GLRX5: variants seen among roughly 807,000 people sequenced by gnomAD.
The protein encoded by GLRX5 is glutaredoxin 5, also known as glutaredoxin-related protein 5, mitochondrial.
In GLRX5, 10 loss-of-function variants were observed where a neutral mutation model predicts 13.8. The observed-to-expected ratio is 0.72, with a 90% CI of 0.45 to 1.23. The LOEUF is 1.23. Ranked by LOEUF, GLRX5 falls within the 50% of genes most tolerant of loss-of-function variation. The probability of loss-of-function intolerance (pLI) is 0.00; values close to 1 mark genes in which losing one functional copy is unlikely to be tolerated. For missense variants in GLRX5, 233 were observed against 215.2 expected, an observed-to-expected ratio of 1.08 and a Z score of -0.52; for synonymous variants, 98 against 101.1, an observed-to-expected ratio of 0.97 and a Z score of 0.18.
chr14:95,537,499 G>A (rs979551161), intron 1 of GLRX5, among the ~76,000 whole-genome samples: 6 of 152,232 alleles, frequency 3.9e-5, no homozygotes, highest in Admixed American at 3.3e-4. Flanking sequence ...GGACTGGGCA[G>A]GGTGGTAAAA....
chr14:95,536,788 G>T (rs944849547), intron 1 of GLRX5, among the ~76,000 whole-genome samples: 4 of 146,844 alleles, frequency 2.7e-5, no homozygotes, highest in African/African-American at 8.1e-5. Context: ...AAAGACTCTT[G>T]GGGATAACTG....
intron 1 of GLRX5, 89 bp from the exon 2 acceptor site, chr14:95,543,858 C>T (rs957541029): frequency 8.8e-7 from 1 of 1,140,494 alleles, no homozygotes; most frequent in South Asian, 1.2e-5. Context: ...AGTGGGTTGT[C>T]TGCTACTAGT....
At chr14:95,535,487 A>T in intron 1 of GLRX5, 103 bp downstream of exon 1, 1 of 1,147,778 alleles carries the variant, frequency 8.7e-7, no homozygotes, top group Non-Finnish European at 1.2e-6. Flanking sequence ...GCGGGGCTCC[A>T]TCCGCCGGGG....
At chr14:95,541,989 G>C (rs912398366) in intron 1 of GLRX5, among the ~76,000 whole-genome samples, 2 of 152,012 alleles carry the variant, frequency 1.3e-5, no homozygotes, top group Non-Finnish European at 2.9e-5. Flanking sequence ...TTGTATAAAA[G>C]GTATTTAAGA....
Position 95,544,176 on chromosome 14 carries a change from T to C in GLRX5, c.*51T>C. On this transcript the variant is annotated 3_prime_UTR_variant, in exon 2 of 2. Transcript: ENST00000331334. ...AGAGGGAGCCGTTCATGTCAGAGAC[T>C]CACTGCCAGAAAAGCCTTACCCATT... The C allele has an allele frequency of 6.6e-7, 1 of 1,517,818 alleles. No individual in the cohort carries two copies. The highest frequency in any genetic ancestry group is 2.3e-5 in the East Asian group (1 of 43,632). The allele number at this position is 1,517,818 out of a possible 1,614,324, so 94.0% of individuals were successfully genotyped here.
At chr14:95,535,491 G>A (rs918614343) in intron 1 of GLRX5, 107 bp downstream of exon 1, 1 of 1,110,222 alleles carries the variant, frequency 9.0e-7, no homozygotes, top group Non-Finnish European at 1.3e-6. Flanking sequence ...GGCTCCATCC[G>A]CCGGGGTCTG....
In GLRX5 at chr14:95,535,079, T is replaced by C; in HGVS notation, c.-11T>C. On this transcript the variant is annotated 5_prime_UTR_variant, in exon 1 of 2. Transcript: ENST00000331334. ...GCCCGGGCCGTCGTGGGCTCCGGCT[T>C]GCGTGCGGAGATGAGCGGGTCCCTC... 7.5e-7 allele frequency: 1 copy of C among 1,336,690 alleles called. No individual in the cohort carries two copies. Among genetic ancestry groups the C allele is most frequent in the Non-Finnish European group, 9.7e-7 (1 of 1,031,838 alleles). 82.8% of individuals were successfully genotyped at this position (1,336,690 alleles called of 1,614,324 possible).
At chr14:95,543,036 C>T (rs1891496752) in intron 1 of GLRX5, 1 of 456,044 alleles carries the variant, frequency 2.2e-6, no homozygotes, top group Non-Finnish European at 4.4e-6. Context: ...ACAGAGTGTC[C>T]CTCATCTCAT....
At chr14:95,536,597 T>A (rs1891385789) in intron 1 of GLRX5, among the ~76,000 whole-genome samples, 1 of 152,224 alleles carries the variant, frequency 6.6e-6, no homozygotes, top group Non-Finnish European at 1.5e-5. Flanking sequence ...CTTAAGTCAC[T>A]CACCTGCATT....
intron 1 of GLRX5, among the ~76,000 whole-genome samples, chr14:95,540,414 G>C (rs563347117): frequency 6.6e-6 from 1 of 152,144 alleles, no homozygotes; most frequent in Non-Finnish European, 1.5e-5. Flanking sequence ...GTGAGGCGTA[G>C]AGTATATTCC....
Position 95,535,249 on chromosome 14 carries a change from G to A in GLRX5, c.160G>A (p.Val54Met). 6.4e-7 allele frequency: 1 copy of A among 1,570,828 alleles called. No individual in the cohort carries two copies. Residue 54 changes from valine (V) to methionine (M), a missense_variant, in exon 1 of 2, where the codon GTG (valine) becomes ATG (methionine). Val to Met is a conservative substitution (Grantham distance 21). Transcript: ENST00000331334. ...GGACGCGCTGGTGAAGAAGGACAAG[G>A]TGGTGGTCTTCCTCAAGGGGACGCC... ...QLDALVKKDK[V>M]VVFLKGTPEQ...
At chr14:95,543,238 C>G in intron 1 of GLRX5, 1 of 455,712 alleles carries the variant, frequency 2.2e-6, no homozygotes, top group Non-Finnish European at 4.4e-6. Context: ...GCCTCATCAT[C>G]CACTCCACAG....
At chr14:95,535,628 G>C (rs999025262) in intron 1 of GLRX5, among the ~76,000 whole-genome samples, 7 of 152,200 alleles carry the variant, frequency 4.6e-5, no homozygotes, top group African/African-American at 1.7e-4. Context: ...TTGAGCAGTA[G>C]GTAAAGTCCT....
intron 1 of GLRX5, chr14:95,543,031 G>A (rs1267060149): frequency 2.2e-6 from 1 of 455,988 alleles, no homozygotes; most frequent in African/African-American, 2.0e-5. Context: ...CTGTCACAGA[G>A]TGTCCCTCAT....
chr14:95,535,224 G>T lies in GLRX5; in HGVS notation c.135G>T (p.Leu45Phe). The T allele has an allele frequency of 6.4e-7, 1 of 1,552,086 alleles. No homozygotes were observed. Among genetic ancestry groups the T allele is most frequent in the Non-Finnish European group, 8.7e-7 (1 of 1,151,018 alleles). Residue 45 changes from leucine (L) to phenylalanine (F), a missense_variant, in exon 1 of 2, where the codon TTG (leucine) becomes TTT (phenylalanine). Transcript: ENST00000331334. ...GCGGCGGCGGCTCGGCGGAGCAGTT[G>T]GACGCGCTGGTGAAGAAGGACAAGG... ...GAGGGGSAEQ[L>F]DALVKKDKVV... is the part of the protein sequence containing the mutation.
At chr14:95,543,700 C>A in intron 1 of GLRX5, 6 of 505,354 alleles carry the variant, frequency 1.2e-5, no homozygotes, top group South Asian at 4.6e-5. Context: ...AGGGTGGAAA[C>A]AGGATGAGAG....
chr14:95,538,319 C>T (rs549975281), intron 1 of GLRX5, among the ~76,000 whole-genome samples: 35 of 152,056 alleles, frequency 2.3e-4, no homozygotes, highest in Admixed American at 2.2e-3. Flanking sequence ...CATTTGCTGC[C>T]GATTTAGATC....
In GLRX5 at chr14:95,544,538, A is replaced by G. The variant is rs1891528049; in HGVS notation, c.*413A>G. 9.4e-6 allele frequency: 2 copies of G among 211,658 alleles called. No homozygotes were observed. Among genetic ancestry groups the G allele is most frequent in the Non-Finnish European group, 9.7e-6 (1 of 103,458 alleles). The allele number at this position is 211,658 out of a possible 1,614,324, so 13.1% of individuals were successfully genotyped here. ...GTTATGGAAAATGGTGAACAAAAAAAGAAACTGTGATAACTGGGGCGTTGT... is the reference window on the plus strand; with the variant it reads ...GTTATGGAAAATGGTGAACAAAAAAGGAAACTGTGATAACTGGGGCGTTGT... On this transcript the variant is annotated 3_prime_UTR_variant, in exon 2 of 2. Coordinates refer to ENST00000331334, the MANE Select transcript of GLRX5 (RefSeq NM_016417.3).
At chr14:95,541,584 T>G in intron 1 of GLRX5, among the ~76,000 whole-genome samples, 1 of 152,212 alleles carries the variant, frequency 6.6e-6, no homozygotes, top group Non-Finnish European at 1.5e-5. Flanking sequence ...TGCATGTGGC[T>G]GTGTGTGTTG....
Sources: allele counts gnomAD v4.1 joint callset (sites outside exome capture counted in the v4.1 genomes callset), GRCh38; gene constraint gnomAD v4.1.1; transcripts MANE v1.5; gene names NCBI Gene and HGNC (gene_info 2026-07-23, HGNC 2026-07-21).